GLIS2: variants seen among roughly 807,000 people sequenced by gnomAD.
The protein encoded by GLIS2 is zinc finger protein GLIS2.
Under a neutral mutation model 35.6 loss-of-function variants are expected in GLIS2, and 14 were observed. That is an observed-to-expected ratio of 0.39 (90% CI 0.26 to 0.61). The LOEUF is 0.61. Among genes scored for constraint, GLIS2 ranks in the 20% least tolerant of loss-of-function variants. GLIS2 has a pLI of 0.48. For missense variants in GLIS2, 675 were observed against 713.4 expected, an observed-to-expected ratio of 0.95 and a Z score of 0.61; for synonymous variants, 368 against 325.1, an observed-to-expected ratio of 1.13 and a Z score of -1.42.
Position 4,334,792 on chromosome 16 carries a change from G to C in GLIS2, c.346-9G>C. 1 of 1,612,990 alleles carries C rather than the reference G, an allele frequency of 6.2e-7. No homozygotes were observed. Among genetic ancestry groups the C allele is most frequent in the Non-Finnish European group, 8.5e-7 (1 of 1,179,964 alleles). On this transcript the variant is annotated splice_polypyrimidine_tract_variant and intron_variant, in intron 3 of 6. Coordinates refer to ENST00000433375, the MANE Select transcript of GLIS2 (RefSeq NM_032575.3). ...CAGGACCTTGACTAGCCCTCCCCTC[G>C]CACCCCAGGACTTCCAGCCACTGCG...
chr16:4,329,521 G>A (rs774884848), intron 1 of GLIS2, among the ~76,000 whole-genome samples: 27 of 152,290 alleles, frequency 1.8e-4, no homozygotes, highest in Non-Finnish European at 3.2e-4. Context: ...GTTGGGGTGG[G>A]GTCTGGGGAT....
chr16:4,335,425 T>A lies in GLIS2; in HGVS notation c.775+32T>A, dbSNP rs1405434788. Reference sequence around the variant, plus strand: ...GGCCGGGGCCGGGCGGCTTGGCCCATGAAGGGGGCGCTCAGCTGAGACCGG... The same window carrying A: ...GGCCGGGGCCGGGCGGCTTGGCCCAAGAAGGGGGCGCTCAGCTGAGACCGG... On this transcript the variant is annotated intron_variant, in intron 6 of 6. Transcript: ENST00000433375. This position sits in a 1 kb window ranked among gnomAD's most constrained non-coding sequence, Gnocchi z 4.6. The A allele has an allele frequency of 6.3e-7, 1 of 1,597,500 alleles. No individual in the cohort carries two copies. Among genetic ancestry groups the A allele is most frequent in the Non-Finnish European group, 8.6e-7 (1 of 1,166,232 alleles).
At chr16:4,328,534 A>C in intron 1 of GLIS2, among the ~76,000 whole-genome samples, 1 of 152,314 alleles carries the variant, frequency 6.6e-6, no homozygotes, top group Middle Eastern at 3.4e-3. Context: ...GGCCTGGAAC[A>C]GGGATGCTGG....
In GLIS2 at chr16:4,320,859, C is replaced by T. The variant is rs2053371251; in HGVS notation, c.-67+4605C>T. On this transcript the variant is annotated intron_variant, in intron 1 of 6. Coordinates refer to ENST00000433375, the MANE Select transcript of GLIS2 (RefSeq NM_032575.3). The surrounding 1 kb of genome is among the most constrained non-coding windows in gnomAD (Gnocchi z 5.6). The stretch of plus-strand genomic sequence containing the variant: ...TGCTGGTGCTCGTCTCCCTGCCAGC[C>T]CCGGCCTCCCCCAGCACCCCCCGGA... Among the ~76,000 whole-genome samples, 1 of 152,188 alleles carries T rather than the reference C, an allele frequency of 6.6e-6. No homozygotes were observed. Among genetic ancestry groups the T allele is most frequent in the South Asian group, 2.1e-4 (1 of 4,836 alleles).
chr16:4,320,641 G>A lies in GLIS2; in HGVS notation c.-67+4387G>A, dbSNP rs866016730. On this transcript the variant is annotated intron_variant, in intron 1 of 6. Transcript: ENST00000433375. This position sits in a 1 kb window ranked among gnomAD's most constrained non-coding sequence, Gnocchi z 5.6. ...AGAAGCCTCTCCCCTTCCCTGCATC[G>A]TCTGCCTGGGGCTGTCTAGCAAGTC... Among the ~76,000 whole-genome samples the A allele has an allele frequency of 2.6e-5, 4 of 152,118 alleles. No homozygotes were observed. The highest frequency in any genetic ancestry group is 6.5e-5 in the Admixed American group (1 of 15,272).
In GLIS2 at chr16:4,335,544, G is replaced by T. The variant is rs968979526; in HGVS notation, c.775+151G>T. 1 of 723,584 alleles carries T rather than the reference G, an allele frequency of 1.4e-6. No individual in the cohort carries two copies. The highest frequency in any genetic ancestry group is 2.3e-6 in the Non-Finnish European group (1 of 432,418). 44.8% of individuals were successfully genotyped at this position (723,584 alleles called of 1,614,324 possible). A position where few individuals can be genotyped will look rare whatever the true frequency, so the allele number is the denominator to read the frequency against. On this transcript the variant is annotated intron_variant, in intron 6 of 6. Transcript: ENST00000433375. This position sits in a 1 kb window ranked among gnomAD's most constrained non-coding sequence, Gnocchi z 4.6. ...ATCGCCCAGGGGTCCCTTTTCCAAT[G>T]CAGTTTGCTAGGGGAAGCATCCCCT...
In GLIS2 at chr16:4,337,811, G is replaced by T; in HGVS notation, c.*287G>T. The T allele has an allele frequency of 1.8e-6, 1 of 566,354 alleles. No homozygotes were observed. The highest frequency in any genetic ancestry group is 3.2e-6 in the Non-Finnish European group (1 of 314,738). The allele number at this position is 566,354 out of a possible 1,614,324, so 35.1% of individuals were successfully genotyped here. ...GCTTCTGAGAGGCTTTCCCCTGCCC[G>T]ACCTCCTCCCGTTTCCCTCTCCCAC... On this transcript the variant is annotated 3_prime_UTR_variant, in exon 7 of 7. Transcript: ENST00000433375.
rs778528093 is a variant in GLIS2, at chr16:4,335,150, C to T, written c.613C>T (p.His205Tyr). 6.2e-7 allele frequency: 1 copy of T among 1,613,266 alleles called. No homozygotes were observed. The highest frequency in any genetic ancestry group is 8.5e-7 in the Non-Finnish European group (1 of 1,180,030). Residue 205 changes from histidine to tyrosine, a missense_variant, in exon 5 of 7, where the codon CAC becomes TAC. By Grantham distance (83) the His-to-Tyr change is moderately conservative (BLOSUM62 2). This residue lies in a region of GLIS2 where 133 missense variants were observed against 191.4 expected (regional missense o/e 0.69). Coordinates refer to ENST00000433375, the MANE Select transcript of GLIS2 (RefSeq NM_032575.3). This position sits in a 1 kb window ranked among gnomAD's most constrained non-coding sequence, Gnocchi z 4.6. ...CGAGAAGGATGCGGGGTACTGCTGC[C>T]ACTGGGAGGGCTGCGCCCGCCATGG... is the stretch of plus-strand genomic sequence containing the variant. ...KPEKDAGYCC[H>Y]WEGCARHGRG...
At position 4,333,225 on chromosome 16, in the gene GLIS2, G is replaced by C. The variant is rs28615889; in HGVS notation, c.173-122G>C. On this transcript the variant is annotated intron_variant, in intron 2 of 6. Transcript: ENST00000433375. ...GCTCCACAGGCTGCTCCTCACATTC[G>C]TGTGGTCTGGGGGCATGGCTGGTGT... 5.7e-6 allele frequency: 6 copies of C among 1,057,450 alleles called. No individual in the cohort carries two copies. The African/African-American group carries it at 6.3e-5, about 11-fold the overall frequency. The allele number at this position is 1,057,450 out of a possible 1,614,324, so 65.5% of individuals were successfully genotyped here. A position where few individuals can be genotyped will look rare whatever the true frequency, so the allele number is the denominator to read the frequency against.
chr16:4,336,987 C>T lies in GLIS2; in HGVS notation c.1038C>T (p.Pro346=), dbSNP rs551177412. ...KPPLPAPDGG[P]YVSGAQIIIP... The stretch of plus-strand genomic sequence containing the variant: ...CACTGCCCGCCCCCGACGGCGGCCC[C>T]TATGTCAGTGGGGCCCAGATCATCA... The change falls in exon 7 of 7, where the codon CCC becomes CCT. Residue 346 remains proline, a synonymous_variant. Transcript: ENST00000433375. 23 of 1,608,568 alleles carry T rather than the reference C, an allele frequency of 1.4e-5. No homozygotes were observed. The highest frequency in any genetic ancestry group is 2.0e-5 in the Non-Finnish European group (23 of 1,178,860).
At chr16:4,326,754 TA>T (rs1326677266) in intron 1 of GLIS2, among the ~76,000 whole-genome samples, 99 of 95,022 alleles carry the variant, frequency 1.0e-3, no homozygotes, top group African/African-American at 4.6e-3. Flanking sequence ...CACGCCCAGC[TA>T]TTTTTTTTTT....
rs1195511410 is a variant in GLIS2 at position 4,332,413 on chromosome 16, G to A, written c.133G>A (p.Asp45Asn). ...ALHRELGLVDDSPTPGSPGSP... is the reference protein window; with the variant it reads ...ALHRELGLVDNSPTPGSPGSP... Reference sequence around the variant, plus strand: ...GCACAGGGAGCTGGGCCTGGTGGATGACAGCCCCACACCTGGCTCTCCAGG... The same window carrying A: ...GCACAGGGAGCTGGGCCTGGTGGATAACAGCCCCACACCTGGCTCTCCAGG... The change falls in exon 2 of 7, where the codon GAC becomes AAC. Residue 45 changes from aspartate (D) to asparagine (N), a missense_variant. Physicochemically the swap from Asp to Asn is conservative, Grantham distance 23. This residue lies in a region of GLIS2 where 225 missense variants were observed against 238.7 expected (regional missense o/e 0.94). Transcript: ENST00000433375. The surrounding 1 kb of genome is among the most constrained non-coding windows in gnomAD (Gnocchi z 5.4). 6.2e-7 allele frequency: 1 copy of A among 1,612,732 alleles called. No homozygotes were observed. Among genetic ancestry groups the A allele is most frequent in the Admixed American group, 1.7e-5 (1 of 60,020 alleles).
At chr16:4,319,387 C>G (rs888191304) in intron 1 of GLIS2, among the ~76,000 whole-genome samples, 10 of 152,092 alleles carry the variant, frequency 6.6e-5, no homozygotes, top group African/African-American at 2.4e-4. Context: ...ATCTGTGGGA[C>G]CAGCTGAAAG....
rs940494395 is a variant in GLIS2, at chr16:4,335,622, T to C, written c.775+229T>C. On this transcript the variant is annotated intron_variant, in intron 6 of 6. Transcript: ENST00000433375. The surrounding 1 kb of genome is among the most constrained non-coding windows in gnomAD (Gnocchi z 4.6). ...CTCTTGGAGCACCAATGCCATTTCC[T>C]GGTTCCCGTGGGTATCTTCTGACTA... Among the ~76,000 whole-genome samples the C allele has an allele frequency of 2.0e-5, 3 of 152,226 alleles. No homozygotes were observed. Among genetic ancestry groups the C allele is most frequent in the Non-Finnish European group, 4.4e-5 (3 of 68,034 alleles).
chr16:4,335,391 C>T lies in GLIS2; in HGVS notation c.773C>T (p.Thr258Ile), dbSNP rs1303263522. ...CTGAAGATCCACAACCGGTCGCACACAGGTAAGAGGCCGGGGCCGGGCGGC... is the reference window on the plus strand; with the variant it reads ...CTGAAGATCCACAACCGGTCGCACATAGGTAAGAGGCCGGGGCCGGGCGGC... ...ENLKIHNRSH[T>I]GEKPYVCPYE... The change falls in exon 6 of 7, where the codon ACA becomes ATA. Residue 258 changes from threonine (T) to isoleucine (I), a missense_variant and splice_region_variant. Around this residue, in one of 3 missense-constraint regions of GLIS2, gnomAD observed 133 missense variants for 191.4 expected, o/e 0.69. Coordinates refer to ENST00000433375, the MANE Select transcript of GLIS2 (RefSeq NM_032575.3). The surrounding 1 kb of genome is among the most constrained non-coding windows in gnomAD (Gnocchi z 4.6). 1 of 1,613,502 alleles carries T rather than the reference C, an allele frequency of 6.2e-7. No individual in the cohort carries two copies. The highest frequency in any genetic ancestry group is 1.7e-5 in the Admixed American group (1 of 60,026).
intron 1 of GLIS2, among the ~76,000 whole-genome samples, chr16:4,322,371 C>T (rs1597333041): frequency 6.6e-6 from 1 of 152,198 alleles, no homozygotes; most frequent in East Asian, 1.9e-4. Context: ...GCCTCTGGTC[C>T]TCTGTGGCAC....
At chr16:4,314,988 A>C (rs562222004), upstream of GLIS2, 1 of 152,424 alleles carries the variant, frequency 6.6e-6, no homozygotes, top group South Asian at 2.1e-4. Flanking sequence ...GTTCAACACG[A>C]GGCAGAAAAC....
chr16:4,324,400 T>A (rs1217117756), intron 1 of GLIS2, among the ~76,000 whole-genome samples: 3 of 152,208 alleles, frequency 2.0e-5, no homozygotes. Flanking sequence ...GTAGTGCTCT[T>A]TCTTTGATGC....
At position 4,336,818 on chromosome 16, in the gene GLIS2, A is replaced by G; in HGVS notation, c.869A>G (p.Asp290Gly). 6.2e-7 allele frequency: 1 copy of G among 1,612,238 alleles called. No individual in the cohort carries two copies. Among genetic ancestry groups the G allele is most frequent in the South Asian group, 1.1e-5 (1 of 91,028 alleles). Residue 290 changes from aspartate (D) to glycine (G), a missense_variant, in exon 7 of 7, where the codon GAC (aspartate) becomes GGC (glycine). Physicochemically the swap from Asp to Gly is moderately conservative, Grantham distance 94. Transcript: ENST00000433375. ...AAGCACACGCGCACCCACTATGTGGACAAGCCCTACTACTGCAAGATGCCC... is the reference window on the plus strand; with the variant it reads ...AAGCACACGCGCACCCACTATGTGGGCAAGCCCTACTACTGCAAGATGCCC... Reference protein sequence around the residue: ...RFKHTRTHYVDKPYYCKMPGC... With the variant: ...RFKHTRTHYVGKPYYCKMPGC...
Sources: allele counts gnomAD v4.1 joint callset (sites outside exome capture counted in the v4.1 genomes callset), GRCh38; gene constraint gnomAD v4.1.1; regional missense constraint gnomAD v4.1.1; non-coding constraint Gnocchi (gnomAD v3.1); transcripts MANE v1.5; gene names NCBI Gene and HGNC (gene_info 2026-07-23, HGNC 2026-07-21).